Variants in GRIK4 observed in about 807,000 individuals in gnomAD.
The protein encoded by GRIK4 is glutamate receptor ionotropic, kainate 4.
GRIK4 carries 40 observed loss-of-function variants against 104.9 expected under a neutral mutation model. The observed-to-expected ratio is 0.38, with a 90% confidence interval of 0.30 to 0.50. The LOEUF is 0.50. Ranked by LOEUF, GRIK4 falls within the 20% of genes least tolerant of loss-of-function variation. The probability of loss-of-function intolerance (pLI) is 0.93; values close to 1 mark genes in which losing one functional copy is unlikely to be tolerated. For synonymous variants in GRIK4, 485 were observed against 524.9 expected (o/e 0.92, Z 1.04); for missense variants, 1,047 against 1,308.1 (o/e 0.80, Z 3.08).
intron 1 of GRIK4, among the ~76,000 whole-genome samples, chr11:120,580,561 C>T (rs1449303435): frequency 1.4e-5 from 2 of 148,040 alleles, no homozygotes; most frequent in African/African-American, 4.9e-5. Flanking sequence ...GCCACCATGC[C>T]TGGCCTCCTT....
chr11:120,711,213 G>A (rs1950730134), intron 3 of GRIK4, among the ~76,000 whole-genome samples: 1 of 152,224 alleles, frequency 6.6e-6, no homozygotes, highest in Admixed American at 6.5e-5. Flanking sequence ...GTAAATGAAA[G>A]CGAGTTATAA....
Position 120,642,743 on chromosome 11 carries a change from C to T in GRIK4, c.-158-10942C>T, listed in dbSNP as rs1949486339. Reference sequence around the variant, plus strand: ...CAGCAGCGGCCTTGGGTTCTCCTTGCGTCCAGGATGAGAACTCCTTGAAAT... The same window carrying T: ...CAGCAGCGGCCTTGGGTTCTCCTTGTGTCCAGGATGAGAACTCCTTGAAAT... On this transcript the variant is annotated intron_variant, in intron 1 of 20. Transcript: ENST00000527524. 3.3e-5 allele frequency among the ~76,000 whole-genome samples: 5 copies of T among 152,190 alleles called. 1 individual carries two copies. The South Asian group carries it at 8.3e-4, about 25-fold the overall frequency.
At chr11:120,678,711 A>G (rs922563891) in intron 3 of GRIK4, among the ~76,000 whole-genome samples, 2 of 151,624 alleles carry the variant, frequency 1.3e-5, no homozygotes, top group Admixed American at 6.6e-5. Context: ...TTGGCTCACT[A>G]CAACCTCCAC....
At position 120,962,349 on chromosome 11, in the gene GRIK4, A is replaced by G. The variant is rs995805528; in HGVS notation, c.2041-107A>G. 22 of 681,900 alleles carry G rather than the reference A, an allele frequency of 3.2e-5. No homozygotes were observed. The African/African-American group carries it at 3.2e-4, about 10-fold the overall frequency. The allele number at this position is 681,900 out of a possible 1,614,324, so 42.2% of individuals were successfully genotyped here. A position where few individuals can be genotyped will look rare whatever the true frequency, so the allele number is the denominator to read the frequency against. On this transcript the variant is annotated intron_variant, in intron 17 of 20. Transcript: ENST00000527524. Reference sequence around the variant, plus strand: ...GTTCTTGACTGTGATCAGCGGGTGGAGAAGCAGAAGGGCCGGCATCTTAAG... The same window carrying G: ...GTTCTTGACTGTGATCAGCGGGTGGGGAAGCAGAAGGGCCGGCATCTTAAG...
chr11:120,522,793 A>G (rs1165502007), intron 1 of GRIK4, among the ~76,000 whole-genome samples: 2 of 152,192 alleles, frequency 1.3e-5, no homozygotes, highest in Non-Finnish European at 2.9e-5. Context: ...CTGTGGGCCT[A>G]GAGAAATGTC....
chr11:120,877,509 A>T (rs762663833), intron 11 of GRIK4, among the ~76,000 whole-genome samples: 1 of 152,196 alleles, frequency 6.6e-6, no homozygotes, highest in Non-Finnish European at 1.5e-5. Context: ...CTTTTCTCTG[A>T]GCCCCAATGT....
At chr11:120,666,060 G>A (rs899170752) in intron 3 of GRIK4, among the ~76,000 whole-genome samples, 1 of 152,186 alleles carries the variant, frequency 6.6e-6, no homozygotes, top group African/African-American at 2.4e-5. Flanking sequence ...AAATCCCGGG[G>A]TCCCAAAAGG....
chr11:120,690,248 A>T (rs974571151), intron 3 of GRIK4, among the ~76,000 whole-genome samples: 1 of 152,194 alleles, frequency 6.6e-6, no homozygotes, highest in African/African-American at 2.4e-5. Context: ...AGTGCTGAAT[A>T]AAAAATGCTC....
chr11:120,751,485 T>C (rs1379580511), intron 3 of GRIK4, among the ~76,000 whole-genome samples: 1 of 152,136 alleles, frequency 6.6e-6, no homozygotes, highest in Non-Finnish European at 1.5e-5. Flanking sequence ...CAGACTCCCA[T>C]AAGCCTGTGC....
chr11:120,896,454 C>G (rs1942584344), intron 11 of GRIK4, among the ~76,000 whole-genome samples: 1 of 152,244 alleles, frequency 6.6e-6, no homozygotes, highest in Non-Finnish European at 1.5e-5. Flanking sequence ...GACAGCTGCC[C>G]ACCCTTTTCC....
chr11:120,738,228 A>G (rs1301030209), intron 3 of GRIK4, among the ~76,000 whole-genome samples: 1 of 152,242 alleles, frequency 6.6e-6, no homozygotes, highest in Non-Finnish European at 1.5e-5. Context: ...CTGCTTGCAG[A>G]CTAGAGTGAG....
chr11:120,955,331 G>A (rs138441529), intron 15 of GRIK4, among the ~76,000 whole-genome samples: 199 of 152,316 alleles, frequency 1.3e-3, no homozygotes, highest in Middle Eastern at 3.4e-3. Context: ...ATGCTGAGAC[G>A]TTTGTGTTGT....
intron 14 of GRIK4, among the ~76,000 whole-genome samples, chr11:120,945,376 C>A: frequency 6.6e-6 from 1 of 152,296 alleles, no homozygotes; most frequent in East Asian, 1.9e-4. Flanking sequence ...TTGTATCCTC[C>A]GATGGGAGGT....
At chr11:120,614,183 G>A (rs775746603) in intron 1 of GRIK4, among the ~76,000 whole-genome samples, 1 of 152,232 alleles carries the variant, frequency 6.6e-6, no homozygotes, top group South Asian at 2.1e-4. Context: ...CAGACCCCAA[G>A]TGAAGACAGA....
At chr11:120,739,075 C>A (rs76321486) in intron 3 of GRIK4, among the ~76,000 whole-genome samples, 3 of 152,296 alleles carry the variant, frequency 2.0e-5, no homozygotes, top group Admixed American at 2.0e-4. Context: ...GCATTTGTAG[C>A]CCTTGGTCCA....
At chr11:120,606,913 T>C (rs983192849) in intron 1 of GRIK4, among the ~76,000 whole-genome samples, 3 of 152,154 alleles carry the variant, frequency 2.0e-5, no homozygotes, top group Non-Finnish European at 2.9e-5. Context: ...GGTGCTATTC[T>C]GTATGGCTGG....
chr11:120,801,478 C>T lies in GRIK4; in HGVS notation c.83-1215C>T, dbSNP rs188021531. Among the ~76,000 whole-genome samples, 7 of 152,340 alleles carry T rather than the reference C, an allele frequency of 4.6e-5. No homozygotes were observed. In the South Asian group the frequency reaches 8.3e-4, roughly 18 times the overall value. On this transcript the variant is annotated intron_variant, in intron 3 of 20. Coordinates refer to ENST00000527524, the MANE Select transcript of GRIK4 (RefSeq NM_014619.5). The stretch of plus-strand genomic sequence containing the variant: ...CTGACCTCAAGTGATCTGCCCGCCT[C>T]AGCCTTCCAAAGTGTTGGGATTACA...
At chr11:120,680,619 T>C (rs1047706529) in intron 3 of GRIK4, among the ~76,000 whole-genome samples, 50 of 152,354 alleles carry the variant, frequency 3.3e-4, no homozygotes, top group African/African-American at 1.2e-3. Context: ...ATTCTTATCC[T>C]GGGCTGCTGT....
intron 8 of GRIK4, among the ~76,000 whole-genome samples, chr11:120,846,401 G>T (rs1044567753): frequency 6.6e-6 from 1 of 152,198 alleles, no homozygotes; most frequent in African/African-American, 2.4e-5. Flanking sequence ...AATGTGAGGT[G>T]TGGCAGCCCA....
Sources: gnomAD v4.1 joint callset for allele counts (sites outside exome capture counted in the v4.1 genomes callset) on GRCh38, gnomAD v4.1.1 for gene constraint, MANE v1.5 for transcripts, NCBI Gene and HGNC (gene_info 2026-07-23, HGNC 2026-07-21) for gene names.